DNAH17: variants seen among roughly 807,000 people sequenced by gnomAD.
DNAH17 encodes dynein axonemal heavy chain 17.
Under a neutral mutation model 485.6 loss-of-function variants are expected in DNAH17, and 376 were observed. The observed-to-expected ratio is 0.77, with a 90% CI of 0.71 to 0.84. DNAH17 has a LOEUF of 0.84. Among genes scored for constraint, DNAH17 ranks in the 40% least tolerant of loss-of-function variants. The probability of loss-of-function intolerance (pLI) is 0.00; values close to 1 mark genes in which losing one functional copy is unlikely to be tolerated. For synonymous variants in DNAH17, 3,031 were observed against 2,405.9 expected, an observed-to-expected ratio of 1.26 and a Z score of -7.60; for missense variants, 6,370 against 5,839.3, an observed-to-expected ratio of 1.09 and a Z score of -2.96.
In DNAH17 at chr17:78,486,091, C is replaced by T. The variant is rs535161506; in HGVS notation, c.7144G>A (p.Glu2382Lys). 18 of 1,613,716 alleles carry T rather than the reference C, an allele frequency of 1.1e-5. No individual in the cohort carries two copies. The highest frequency in any genetic ancestry group is 1.6e-4 in the Middle Eastern group (1 of 6,084). Residue 2382 changes from glutamate to lysine, a missense_variant, in exon 46 of 81, where the codon GAA (glutamate) becomes AAA (lysine). Transcript: ENST00000389840. ...GAGGGGAACTTGATAGTCTTGAATTCGTTGATCCACCATTTACTGAACTCC... is the reference window on the plus strand; with the variant it reads ...GAGGGGAACTTGATAGTCTTGAATTTGTTGATCCACCATTTACTGAACTCC... ...RVEFSKWWIN[E>K]FKTIKFPSQG...
intron 33 of DNAH17, 56 bp downstream of exon 33, chr17:78,502,535 C>T (rs1401381373): frequency 9.3e-6 from 14 of 1,509,348 alleles, no homozygotes; most frequent in Admixed American, 2.0e-5. Context: ...CGGGCCCATG[C>T]ACCTGCTTTT....
intron 21 of DNAH17, 39 bp downstream of exon 21, chr17:78,530,304 C>T (rs770454841): frequency 1.3e-6 from 2 of 1,565,634 alleles, no homozygotes; most frequent in Non-Finnish European, 1.7e-6. Flanking sequence ...GTGCTCTGCA[C>T]ATTCCTTGGG....
At chr17:78,512,139 G>A (rs1363423906) in intron 26 of DNAH17, among the ~76,000 whole-genome samples, 1 of 152,320 alleles carries the variant, frequency 6.6e-6, no homozygotes, top group African/African-American at 2.4e-5. Context: ...AGAGATGGAG[G>A]GAACCATTTG....
chr17:78,479,137 G>A (rs1233351626), intron 50 of DNAH17, 21 bp from the exon 51 acceptor site: 3 of 1,611,056 alleles, frequency 1.9e-6, no homozygotes, highest in Non-Finnish European at 2.5e-6. Context: ...AAAAGGACGT[G>A]TCAATTCTCA....
Position 78,445,628 on chromosome 17 carries a change from C to A in DNAH17, c.11264G>T (p.Arg3755Leu). 1.3e-6 allele frequency: 2 copies of A among 1,570,116 alleles called. No homozygotes were observed. Among genetic ancestry groups the A allele is most frequent in the African/African-American group, 1.4e-5 (1 of 73,944 alleles). ...GACCACTCCGGCCTTAAAAGGGAAC[C>A]GCAGGAGGAAATCCAGCTCCACTGG... ...LNPVELDFLL[R>L]FPFKAGVVSP... is the part of the protein sequence containing the mutation. The change falls in exon 70 of 81, where the codon CGG (arginine) becomes CTG (leucine). Residue 3755 changes from arginine (R) to leucine (L), a missense_variant. By Grantham distance (102) the Arg-to-Leu change is moderately radical (BLOSUM62 -2). Transcript: ENST00000389840.
Position 78,475,880 on chromosome 17 carries a change from G to A in DNAH17, c.8155-47C>T, listed in dbSNP as rs746016906. 6 of 1,592,274 alleles carry A rather than the reference G, an allele frequency of 3.8e-6. No individual in the cohort carries two copies. The Admixed American group carries it at 5.3e-5, about 14-fold the overall frequency. ...CGATACTTCCGGTTTTTGCCACCATGACCACACAGATAGTTAACAGCAATT... is the reference window on the plus strand; with the variant it reads ...CGATACTTCCGGTTTTTGCCACCATAACCACACAGATAGTTAACAGCAATT... On this transcript the variant is annotated intron_variant, in intron 52 of 80. Transcript: ENST00000389840.
At position 78,539,748 on chromosome 17, in the gene DNAH17, T is replaced by A; in HGVS notation, c.2665A>T (p.Met889Leu). ...RKSLSFLMDN[M>L]VIDESIAPLF... ...TGTTGATAACTTACATCTATAACCA[T>A]GTTGTCCATTAGGAAACTCAGAGAT... The change falls in exon 18 of 81, where the codon ATG becomes TTG. Residue 889 changes from methionine (M) to leucine (L), a missense_variant. Coordinates refer to ENST00000389840, the MANE Select transcript of DNAH17 (RefSeq NM_173628.4). 6.2e-7 allele frequency: 1 copy of A among 1,610,718 alleles called. No homozygotes were observed. The highest frequency in any genetic ancestry group is 8.5e-7 in the Non-Finnish European group (1 of 1,178,988).
Position 78,437,688 on chromosome 17 carries a change from T to TG in DNAH17, c.11985dup (p.Thr3996HisfsTer92), listed in dbSNP as rs1416367143. ...TTGTGCAAGTTGGCGTGCATGCCCG[T>TG]GGGGGGCTCGTTGGTGATCTTGATG... On this transcript the variant is annotated frameshift_variant, in exon 74 of 81. Transcript: ENST00000389840. LOFTEE classifies it high-confidence loss of function. 1 of 1,611,636 alleles carries TG rather than the reference T, an allele frequency of 6.2e-7. No individual in the cohort carries two copies. Among genetic ancestry groups the TG allele is most frequent in the Non-Finnish European group, 8.5e-7 (1 of 1,179,398 alleles).
At chr17:78,433,906 A>AT (rs746157285) in intron 75 of DNAH17, 123 bp downstream of exon 75, 1 of 880,228 alleles carries the variant, frequency 1.1e-6, no homozygotes, top group Non-Finnish European at 1.7e-6. Flanking sequence ...GACAAAGACC[A>AT]AAAGGAAAGG....
At chr17:78,498,926 T>A in intron 37 of DNAH17, 82 bp downstream of exon 37, 1 of 1,069,572 alleles carries the variant, frequency 9.3e-7, no homozygotes, top group Non-Finnish European at 1.3e-6. Context: ...GCAAGGAGGG[T>A]CTATCTGGCG....
chr17:78,501,701 C>T (rs1431429968), intron 34 of DNAH17, 41 bp downstream of exon 34: 2 of 1,603,528 alleles, frequency 1.2e-6, no homozygotes, highest in Middle Eastern at 1.7e-4. Flanking sequence ...CCCGGTGTCC[C>T]CTTGCCCTTC....
intron 80 of DNAH17, chr17:78,424,450 G>C: frequency 2.7e-6 from 1 of 367,092 alleles, no homozygotes; most frequent in South Asian, 5.4e-5. Flanking sequence ...TCAGTGGCAG[G>C]AAGTCATAAC....
In DNAH17 at chr17:78,567,159, T is replaced by G. The variant is rs572113565; in HGVS notation, c.1292A>C (p.Tyr431Ser). Reference protein sequence around the residue: ...FQRIQTIEELYKTAIEFLKLE... With the variant: ...FQRIQTIEELSKTAIEFLKLE... ...CTTCAGAAACTCAATTGCTGTTTTA[T>G]AGAGTTCCTAGTGGAGGAGAAAAAC... Residue 431 changes from tyrosine (Y) to serine (S), a missense_variant, in exon 10 of 81, where the codon TAT (tyrosine) becomes TCT (serine). By Grantham distance (144) the Tyr-to-Ser change is moderately radical. Transcript: ENST00000389840. 4.4e-5 allele frequency: 70 copies of G among 1,598,180 alleles called. 1 individual carries two copies. The South Asian group carries it at 5.2e-4, about 12-fold the overall frequency.
chr17:78,571,863 C>T (rs1344091450), intron 3 of DNAH17, 81 bp from the exon 4 acceptor site: 15 of 1,343,896 alleles, frequency 1.1e-5, no homozygotes, highest in Non-Finnish European at 1.4e-5. Context: ...AATCCTTCTG[C>T]CCACCAATCC....
At position 78,425,730 on chromosome 17, in the gene DNAH17, C is replaced by G. The variant is rs537537834; in HGVS notation, c.12916-159G>C. 15 of 520,554 alleles carry G rather than the reference C, an allele frequency of 2.9e-5. No individual in the cohort carries two copies. In the East Asian group the frequency reaches 4.5e-4, roughly 16 times the overall value. 32.2% of individuals were successfully genotyped at this position (520,554 alleles called of 1,614,324 possible). A position where few individuals can be genotyped will look rare whatever the true frequency, so the allele number is the denominator to read the frequency against. On this transcript the variant is annotated intron_variant, in intron 79 of 80. Transcript: ENST00000389840. ...AGTAGGGGCCATGGAGCCCAGCCAC[C>G]TACCATGACGCAACTTTGGTGTCTG... is the stretch of plus-strand genomic sequence containing the variant.
chr17:78,561,443 A>G (rs887683743), intron 12 of DNAH17, among the ~76,000 whole-genome samples: 2 of 151,888 alleles, frequency 1.3e-5, no homozygotes, highest in East Asian at 1.9e-4. Flanking sequence ...AGCTGCATAC[A>G]CAGCCTCTTC....
intron 62 of DNAH17, among the ~76,000 whole-genome samples, chr17:78,457,232 G>A (rs1295870863): frequency 6.6e-6 from 1 of 152,200 alleles, no homozygotes; most frequent in Non-Finnish European, 1.5e-5. Context: ...TTAGCCGGGT[G>A]TGGTGGCACG....
At chr17:78,499,218 G>A (rs375301975) in intron 36 of DNAH17, 106 bp from the exon 37 acceptor site, 1 of 794,106 alleles carries the variant, frequency 1.3e-6, no homozygotes. Context: ...TCTTCCCAAA[G>A]CTTGCTCAGG....
intron 75 of DNAH17, among the ~76,000 whole-genome samples, chr17:78,430,243 G>A (rs2086626277): frequency 6.6e-6 from 1 of 152,114 alleles, no homozygotes; most frequent in Non-Finnish European, 1.5e-5. Flanking sequence ...ACGGATTGAG[G>A]CCACATGTGT....
Sources: allele counts gnomAD v4.1 joint callset (sites outside exome capture counted in the v4.1 genomes callset), GRCh38; gene constraint gnomAD v4.1.1; transcripts MANE v1.5; gene names NCBI Gene and HGNC (gene_info 2026-07-23, HGNC 2026-07-21).